Variants in FLI1 observed in about 807,000 individuals in gnomAD.
FLI1 encodes Fli-1 proto-oncogene, ETS transcription factor, also known as Friend leukemia integration 1 transcription factor.
Under a neutral mutation model 53.1 loss-of-function variants are expected in FLI1, and 13 were observed. That is an observed-to-expected ratio of 0.24 (90% CI 0.16 to 0.39). The LOEUF is 0.39. Among genes scored for constraint, FLI1 ranks in the 10% least tolerant of loss-of-function variants. The pLI is 1.00. For missense variants in FLI1, 424 were observed against 600.5 expected (o/e 0.71, Z 3.07); for synonymous variants, 244 against 236.7 (o/e 1.03, Z -0.28).
chr11:128,764,827 G>A (rs909182354), intron 2 of FLI1: 97 of 1,592,330 alleles, frequency 6.1e-5, no homozygotes, highest in Non-Finnish European at 8.0e-5. Flanking sequence ...GCGAGGTATG[G>A]CTTTCCTTCT....
At chr11:128,778,738 G>A (rs1165332523) in intron 4 of FLI1, among the ~76,000 whole-genome samples, 1 of 152,206 alleles carries the variant, frequency 6.6e-6, no homozygotes. Context: ...TGCTGGCATC[G>A]GGAAGGTGGG....
chr11:128,787,907 C>T (rs945948715), intron 5 of FLI1, among the ~76,000 whole-genome samples: 7 of 150,266 alleles, frequency 4.7e-5, no homozygotes, highest in Admixed American at 6.6e-5. Context: ...CCCGGGTTCA[C>T]GCCATTCTCC....
At chr11:128,779,471 C>G (rs546246294) in intron 4 of FLI1, among the ~76,000 whole-genome samples, 1 of 152,106 alleles carries the variant, frequency 6.6e-6, no homozygotes, top group South Asian at 2.1e-4. Context: ...GAGGACAGGA[C>G]GAATGTTCAG....
At chr11:128,730,344 T>C (rs1469341554) in intron 1 of FLI1, among the ~76,000 whole-genome samples, 1 of 152,248 alleles carries the variant, frequency 6.6e-6, no homozygotes, top group Non-Finnish European at 1.5e-5. Flanking sequence ...CTCACCTTTG[T>C]GGGTCAGCCT....
chr11:128,761,947 G>A (rs1247264139), intron 2 of FLI1, among the ~76,000 whole-genome samples: 1 of 152,006 alleles, frequency 6.6e-6, no homozygotes, highest in African/African-American at 2.4e-5. Flanking sequence ...ACCCACCCTG[G>A]GCAAGCAGAG....
intron 1 of FLI1, among the ~76,000 whole-genome samples, chr11:128,737,875 A>C (rs553836910): frequency 6.6e-6 from 1 of 152,274 alleles, no homozygotes; most frequent in Non-Finnish European, 1.5e-5. Flanking sequence ...TGGCTGTCAG[A>C]AGTAGGATTG....
intron 1 of FLI1, among the ~76,000 whole-genome samples, chr11:128,726,984 G>A (rs902895108): frequency 3.3e-5 from 5 of 152,108 alleles, no homozygotes; most frequent in Non-Finnish European, 5.9e-5. Flanking sequence ...GTGTCTTTGG[G>A]AAGGGCAATA....
At chr11:128,726,226 C>G (rs1939469046) in intron 1 of FLI1, among the ~76,000 whole-genome samples, 1 of 152,080 alleles carries the variant, frequency 6.6e-6, no homozygotes, top group African/African-American at 2.4e-5. Context: ...GAAGCTGACA[C>G]CCACCCATGC....
rs1175625669 is a variant in FLI1, at chr11:128,708,952, C to T, written c.18+14676C>T. 3.3e-5 allele frequency among the ~76,000 whole-genome samples: 5 copies of T among 152,190 alleles called. No individual in the cohort carries two copies. The East Asian group carries it at 7.7e-4, about 23-fold the overall frequency. The stretch of plus-strand genomic sequence containing the variant: ...TGTCAATGCTGTGTGCTGTAAGGTG[C>T]TTCTTGCCTAAAAAAGGTGAGACAA... On this transcript the variant is annotated intron_variant, in intron 1 of 8. Coordinates refer to ENST00000527786, the MANE Select transcript of FLI1 (RefSeq NM_002017.5).
At chr11:128,701,275 A>G (rs1938321292) in intron 1 of FLI1, among the ~76,000 whole-genome samples, 3 of 152,216 alleles carry the variant, frequency 2.0e-5, no homozygotes, top group Admixed American at 2.0e-4. Context: ...CTGGGCTACA[A>G]TTTTAGTTCC....
chr11:128,694,356 C>A lies in FLI1; in HGVS notation c.18+80C>A, dbSNP rs1156729987. The stretch of plus-strand genomic sequence containing the variant: ...GGCGGGCGGGTAGGTGCGGGGCCCG[C>A]GTCCCGGAAGACGTGGCCTCTCTCC... On this transcript the variant is annotated intron_variant, in intron 1 of 8. Transcript: ENST00000527786. 6 of 1,139,744 alleles carry A rather than the reference C, an allele frequency of 5.3e-6. No homozygotes were observed. The Admixed American group carries it at 1.7e-4, about 32-fold the overall frequency. 70.6% of individuals were successfully genotyped at this position (1,139,744 alleles called of 1,614,324 possible).
chr11:128,799,268 C>T (rs886175553), intron 5 of FLI1, among the ~76,000 whole-genome samples: 1 of 152,026 alleles, frequency 6.6e-6, no homozygotes, highest in African/African-American at 2.4e-5. Flanking sequence ...AGGAATAAAA[C>T]TGTCCTTCAT....
At chr11:128,751,347 ATTT>A (rs1565481714) in intron 1 of FLI1, among the ~76,000 whole-genome samples, 1 of 147,674 alleles carries the variant, frequency 6.8e-6, no homozygotes, top group Non-Finnish European at 1.5e-5. Context: ...CTTCATTAAA[ATTT>A]TTTTTAACTT....
chr11:128,740,063 A>G (rs544935121), intron 1 of FLI1, among the ~76,000 whole-genome samples: 11 of 152,226 alleles, frequency 7.2e-5, no homozygotes, highest in Non-Finnish European at 1.5e-4. Flanking sequence ...TCTCCTTGTC[A>G]CCAACTTCCA....
chr11:128,717,063 G>A (rs1939045309), intron 1 of FLI1, among the ~76,000 whole-genome samples: 1 of 152,098 alleles, frequency 6.6e-6, no homozygotes, highest in Non-Finnish European at 1.5e-5. Flanking sequence ...AGGAAGCAGT[G>A]GCGGCTTCTG....
In FLI1 at chr11:128,812,514, C is replaced by T. The variant is rs973372378; in HGVS notation, c.*1526C>T. 26 of 224,438 alleles carry T rather than the reference C, an allele frequency of 1.2e-4. No homozygotes were observed. The highest frequency in any genetic ancestry group is 1.0e-3 in the Admixed American group (18 of 17,528). 13.9% of individuals were successfully genotyped at this position (224,438 alleles called of 1,614,324 possible). ...ACTTCTTGCACTATCAAGAATTTTT[C>T]GAATGTACCTACTGCAGTACAGCAG... On this transcript the variant is annotated 3_prime_UTR_variant, in exon 9 of 9. Transcript: ENST00000527786.
chr11:128,718,772 T>C (rs1464606987), intron 1 of FLI1, among the ~76,000 whole-genome samples: 3 of 152,216 alleles, frequency 2.0e-5, no homozygotes, highest in Non-Finnish European at 4.4e-5. Context: ...TAAATCTTAG[T>C]GAATAGCAGT....
chr11:128,774,311 C>G (rs1411715696), intron 4 of FLI1, among the ~76,000 whole-genome samples: 3 of 152,172 alleles, frequency 2.0e-5, no homozygotes, highest in Non-Finnish European at 2.9e-5. Context: ...TTTGTTAGCT[C>G]CGGAGCAATT....
At chr11:128,696,035 A>G (rs538148669) in intron 1 of FLI1, 1 of 152,434 alleles carries the variant, frequency 6.6e-6, no homozygotes, top group African/African-American at 2.4e-5. Context: ...GGCCCTGAGC[A>G]AAAGGAGGAA....
Sources: gnomAD v4.1 joint callset for allele counts (sites outside exome capture counted in the v4.1 genomes callset) on GRCh38, gnomAD v4.1.1 for gene constraint, MANE v1.5 for transcripts, NCBI Gene and HGNC (gene_info 2026-07-23, HGNC 2026-07-21) for gene names.